Variants in PATJ observed in about 807,000 individuals in gnomAD.
The protein encoded by PATJ is inaD-like protein.
Under a neutral mutation model 224.9 loss-of-function variants are expected in PATJ, and 190 were observed. The observed-to-expected ratio is 0.84, with a 90% confidence interval of 0.75 to 0.95. The LOEUF is 0.95. Ranked by LOEUF, PATJ falls within the 40% of genes least tolerant of loss-of-function variation. PATJ has a pLI of 0.00. For missense variants in PATJ, 2,121 were observed against 2,270.3 expected (o/e 0.93, Z 1.34); for synonymous variants, 769 against 820.3 (o/e 0.94, Z 1.07).
intron 28 of PATJ, among the ~76,000 whole-genome samples, chr1:61,998,004 T>TATATA (rs1342142560): frequency 1.3e-4 from 14 of 104,646 alleles, no homozygotes; most frequent in African/African-American, 5.2e-4. Context: ...ATATAATATA[T>TATATA]TATATATATT....
chr1:62,108,751 T>G (rs1181119182), intron 34 of PATJ, among the ~76,000 whole-genome samples: 1 of 152,136 alleles, frequency 6.6e-6, no homozygotes, highest in East Asian at 1.9e-4. Context: ...AAAGGAAAAA[T>G]AGAACTTATG....
At chr1:61,796,569 A>G (rs7519647) in intron 10 of PATJ, among the ~76,000 whole-genome samples, 65,269 of 151,938 alleles carry the variant, frequency 0.43, 15,329 homozygotes, top group South Asian at 0.61. Flanking sequence ...ACAAATTTGA[A>G]TTTGCTTTCT....
intron 24 of PATJ, among the ~76,000 whole-genome samples, chr1:61,903,006 T>G (rs1296908677): frequency 6.6e-6 from 1 of 152,066 alleles, no homozygotes; most frequent in Non-Finnish European, 1.5e-5. Flanking sequence ...AATGATAGCA[T>G]AGCATGAACA....
At chr1:61,874,172 TTTTATTTATTTATTTA>T (rs61201804) in intron 20 of PATJ, among the ~76,000 whole-genome samples, 52,072 of 139,590 alleles carry the variant, frequency 0.37, 10,341 homozygotes, top group Non-Finnish European at 0.45. Context: ...CTTGGGCCTA[TTTTATTTATTTATTTA>T]TTTATTTATT....
At chr1:61,812,498 C>T (rs142123558) in intron 14 of PATJ, among the ~76,000 whole-genome samples, 472 of 139,182 alleles carry the variant, frequency 3.4e-3, no homozygotes, top group Admixed American at 9.1e-3. Context: ...ATCTTGGAGA[C>T]GGGGCAGAGG....
chr1:61,808,351 A>G (rs769418775), intron 13 of PATJ, 123 bp from the exon 14 acceptor site: 2 of 661,094 alleles, frequency 3.0e-6, no homozygotes, highest in Non-Finnish European at 5.4e-6. Flanking sequence ...AATATAAGAA[A>G]GGTATCGGAA....
In PATJ at chr1:61,810,270, A is replaced by T. The variant is rs954194523; in HGVS notation, c.1683+1740A>T. Among the ~76,000 whole-genome samples, 12 of 152,182 alleles carry T rather than the reference A, an allele frequency of 7.9e-5. No individual in the cohort carries two copies. In the South Asian group the frequency reaches 8.3e-4, roughly 10 times the overall value. ...AACTGACCAAGCTTTCCTCAGATGT[A>T]CAAAATCTGAGGAAAATATGGCTCG... On this transcript the variant is annotated intron_variant, in intron 14 of 43. Transcript: ENST00000642238.
intron 33 of PATJ, among the ~76,000 whole-genome samples, chr1:62,094,321 G>T (rs1661127868): frequency 6.6e-6 from 1 of 152,112 alleles, no homozygotes; most frequent in Non-Finnish European, 1.5e-5. Context: ...CTAAGTCTGG[G>T]ACCTCAAAGC....
intron 15 of PATJ, 78 bp downstream of exon 15, chr1:61,823,157 T>A: frequency 7.1e-7 from 1 of 1,409,914 alleles, no homozygotes; most frequent in Non-Finnish European, 9.9e-7. Context: ...ACAAATCCCC[T>A]GAGTTATAGT....
rs1665265372 is a variant in PATJ, at chr1:62,123,002, T to C, written c.5006-19T>C. ...TTATTTTTTAATATTAAAAAGTTAATTGTGTTGCTTCTTTATAGGCACAGA... is the reference window on the plus strand; with the variant it reads ...TTATTTTTTAATATTAAAAAGTTAACTGTGTTGCTTCTTTATAGGCACAGA... On this transcript the variant is annotated intron_variant, in intron 38 of 43. Transcript: ENST00000642238. 6.5e-7 allele frequency: 1 copy of C among 1,529,922 alleles called. No individual in the cohort carries two copies. The highest frequency in any genetic ancestry group is 1.4e-5 in the African/African-American group (1 of 72,666). 94.8% of individuals were successfully genotyped at this position (1,529,922 alleles called of 1,614,324 possible). A position where few individuals can be genotyped will look rare whatever the true frequency, so the allele number is the denominator to read the frequency against.
intron 1 of PATJ, among the ~76,000 whole-genome samples, chr1:61,754,895 G>GA (rs1401518580): frequency 1.3e-5 from 2 of 151,804 alleles, no homozygotes; most frequent in Non-Finnish European, 2.9e-5. Context: ...CCCTGTTTCT[G>GA]AAAAAATAGA....
At chr1:61,935,563 C>T (rs996602360) in intron 27 of PATJ, among the ~76,000 whole-genome samples, 1 of 152,070 alleles carries the variant, frequency 6.6e-6, no homozygotes, top group African/African-American at 2.4e-5. Flanking sequence ...GAGGCCAAGG[C>T]GAGTGGGTTG....
intron 20 of PATJ, chr1:61,865,670 GTTTT>G (rs959452577): frequency 6.6e-6 from 1 of 151,704 alleles, no homozygotes; most frequent in Non-Finnish European, 1.5e-5. Context: ...AAATATTTTT[GTTTT>G]TTTTATTTCC....
chr1:61,849,609 ACT>A (rs770655263), intron 17 of PATJ, among the ~76,000 whole-genome samples: 41 of 149,582 alleles, frequency 2.7e-4, no homozygotes, highest in South Asian at 1.3e-3. Flanking sequence ...GAAAAAAGAG[ACT>A]CTATGAGTTA....
chr1:62,045,377 T>TA (rs34581533), intron 30 of PATJ, among the ~76,000 whole-genome samples: 12 of 151,294 alleles, frequency 7.9e-5, no homozygotes, highest in East Asian at 1.9e-4. Context: ...ATGGTGGATA[T>TA]AAAAAAAAAG....
At chr1:61,793,115 C>T (rs1470867315) in intron 9 of PATJ, among the ~76,000 whole-genome samples, 1 of 151,928 alleles carries the variant, frequency 6.6e-6, no homozygotes, top group African/African-American at 2.4e-5. Context: ...CTCTGTCACC[C>T]AGAGGTGGAG....
At chr1:62,134,977 G>A (rs984997330) in intron 41 of PATJ, among the ~76,000 whole-genome samples, 9 of 138,102 alleles carry the variant, frequency 6.5e-5, no homozygotes, top group African/African-American at 2.2e-4. Flanking sequence ...CATTGAGGGT[G>A]CAGAGCAGGC....
intron 39 of PATJ, among the ~76,000 whole-genome samples, chr1:62,127,081 A>T (rs1665791040): frequency 6.6e-6 from 1 of 152,172 alleles, no homozygotes; most frequent in South Asian, 2.1e-4. Context: ...GGGCCAGTTT[A>T]TTCAGGAATG....
intron 39 of PATJ, among the ~76,000 whole-genome samples, chr1:62,123,699 G>C (rs528089168): frequency 4.7e-5 from 7 of 147,680 alleles, no homozygotes; most frequent in Non-Finnish European, 1.0e-4. Context: ...GGATGGTCTC[G>C]ATCTCCTGAC....
Sources: allele counts gnomAD v4.1 joint callset (sites outside exome capture counted in the v4.1 genomes callset), GRCh38; gene constraint gnomAD v4.1.1; transcripts MANE v1.5; gene names NCBI Gene and HGNC (gene_info 2026-07-23, HGNC 2026-07-21).